Variants in PID1 observed in about 807,000 individuals in gnomAD.
PID1 encodes PTB-containing, cubilin and LRP1-interacting protein.
A neutral mutation model predicts 19.1 loss-of-function variants in PID1; 10 were observed. The ratio of observed to expected loss-of-function variants is 0.52; its 90% CI spans 0.32 to 0.89. The LOEUF (loss-of-function observed/expected upper bound fraction) is 0.89. Ranked by LOEUF, PID1 falls within the 40% of genes least tolerant of loss-of-function variation. The pLI is 0.03. For synonymous variants in PID1, 130 were observed against 116.0 expected, an observed-to-expected ratio of 1.12 and a Z score of -0.78; for missense variants, 248 against 285.3, an observed-to-expected ratio of 0.87 and a Z score of 0.94.
At chr2:229,245,882 T>A (rs1201642860) in intron 1 of PID1, among the ~76,000 whole-genome samples, 1 of 152,144 alleles carries the variant, frequency 6.6e-6, no homozygotes, top group Non-Finnish European at 1.5e-5. Context: ...CACGTTCACT[T>A]AGGCCAAGGG....
intron 1 of PID1, among the ~76,000 whole-genome samples, chr2:229,212,101 G>T (rs1226437359): frequency 2.9e-4 from 1 of 3,402 alleles, no homozygotes; most frequent in Non-Finnish European, 0.011. Context: ...GTAAAGTTAG[G>T]TCTTTATTAT....
intron 2 of PID1, among the ~76,000 whole-genome samples, chr2:229,069,598 C>G (rs1397604817): frequency 6.6e-6 from 1 of 152,114 alleles, no homozygotes; most frequent in Admixed American, 6.6e-5. Flanking sequence ...AATAACTTAG[C>G]CAACATATAT....
At chr2:229,262,553 T>C (rs1690486987) in intron 1 of PID1, 35 of 1,364,364 alleles carry the variant, frequency 2.6e-5, no homozygotes, top group Non-Finnish European at 3.4e-5. Context: ...GATACCTACA[T>C]CACAGAAGTA....
intron 2 of PID1, among the ~76,000 whole-genome samples, chr2:229,030,312 A>C (rs1206901542): frequency 6.6e-6 from 1 of 152,214 alleles, no homozygotes; most frequent in Admixed American, 6.5e-5. Context: ...GCTTTGCAAG[A>C]TGAAGACAGT....
At chr2:229,198,310 T>C (rs1030199696) in intron 1 of PID1, among the ~76,000 whole-genome samples, 4 of 152,060 alleles carry the variant, frequency 2.6e-5, no homozygotes, top group African/African-American at 9.7e-5. Context: ...TTATCTGTTC[T>C]CAACATCTAC....
chr2:229,226,713 A>G (rs1403264510), intron 1 of PID1, among the ~76,000 whole-genome samples: 4 of 152,210 alleles, frequency 2.6e-5, no homozygotes, highest in Admixed American at 1.3e-4. Context: ...ATCTCCTCTG[A>G]TATTTCTTTC....
chr2:229,105,895 C>T (rs543336223), intron 2 of PID1, among the ~76,000 whole-genome samples: 24 of 151,764 alleles, frequency 1.6e-4, no homozygotes, highest in Non-Finnish European at 3.1e-4. Flanking sequence ...CTGGCTAACA[C>T]GGTGAAACCC....
intron 2 of PID1, among the ~76,000 whole-genome samples, chr2:229,153,315 T>C (rs1366656509): frequency 1.3e-5 from 2 of 152,212 alleles, no homozygotes; most frequent in African/African-American, 4.8e-5. Context: ...GATAGAATAA[T>C]AACGCTGGAA....
At chr2:229,204,663 C>G (rs1691568667) in intron 1 of PID1, among the ~76,000 whole-genome samples, 1 of 152,058 alleles carries the variant, frequency 6.6e-6, no homozygotes, top group Non-Finnish European at 1.5e-5. Context: ...CTGCTGTATA[C>G]TGTACAACGG....
chr2:229,234,343 T>G (rs1277077805), intron 1 of PID1, among the ~76,000 whole-genome samples: 2 of 143,326 alleles, frequency 1.4e-5, no homozygotes, highest in Non-Finnish European at 3.1e-5. Context: ...CAAGGGTCTT[T>G]TAAATGTAGA....
intron 1 of PID1, among the ~76,000 whole-genome samples, chr2:229,235,851 T>C (rs1455481553): frequency 6.6e-6 from 1 of 152,138 alleles, no homozygotes; most frequent in Non-Finnish European, 1.5e-5. Flanking sequence ...ACATGATGGC[T>C]TCCAGGCATC....
intron 2 of PID1, among the ~76,000 whole-genome samples, chr2:229,114,413 A>G (rs1574640091): frequency 1.3e-5 from 2 of 151,586 alleles, no homozygotes; most frequent in East Asian, 3.9e-4. Context: ...CTCTAACCCT[A>G]CTCCCCATCC....
chr2:229,232,007 G>T (rs1692219986), intron 1 of PID1: 9 of 1,550,410 alleles, frequency 5.8e-6, no homozygotes, highest in Non-Finnish European at 7.8e-6. Context: ...TGGAAGGAAG[G>T]AATGCTGTGT....
At chr2:229,136,537 C>T (rs1294063071) in intron 2 of PID1, among the ~76,000 whole-genome samples, 1 of 152,144 alleles carries the variant, frequency 6.6e-6, no homozygotes, top group South Asian at 2.1e-4. Flanking sequence ...TAATTTTCCC[C>T]CTCTCAAACT....
At chr2:229,228,087 G>A (rs1217067394) in intron 1 of PID1, 1 of 455,582 alleles carries the variant, frequency 2.2e-6, no homozygotes, top group Non-Finnish European at 4.4e-6. Context: ...GCAAATGCGT[G>A]AGAATAAAGG....
chr2:229,104,441 T>A (rs1695134557), intron 2 of PID1, among the ~76,000 whole-genome samples: 2 of 152,220 alleles, frequency 1.3e-5, no homozygotes, highest in African/African-American at 4.8e-5. Context: ...CAACTATATG[T>A]TTTATCTAAT....
intron 2 of PID1, among the ~76,000 whole-genome samples, chr2:229,135,977 C>T (rs1174602487): frequency 6.6e-6 from 1 of 152,186 alleles, no homozygotes; most frequent in African/African-American, 2.4e-5. Context: ...CGCCTTTTTA[C>T]TCTTGCCTTG....
At chr2:229,080,146 G>C (rs1224914597) in intron 2 of PID1, among the ~76,000 whole-genome samples, 1 of 152,166 alleles carries the variant, frequency 6.6e-6, no homozygotes, top group African/African-American at 2.4e-5. Flanking sequence ...GGTAAAACTT[G>C]TCTTCCATGG....
At position 229,025,398 on chromosome 2, in the gene PID1, C is replaced by G. The variant is rs969322654; in HGVS notation, c.*234G>C. On this transcript the variant is annotated 3_prime_UTR_variant, in exon 3 of 3. Transcript: ENST00000392055. The stretch of plus-strand genomic sequence containing the variant: ...AAAAATAAGAGAGCCTAGAACCTTC[C>G]TCCCCATCCACACTCCCACCCTCCT... 3.7e-5 allele frequency: 20 copies of G among 539,914 alleles called. No homozygotes were observed. In the East Asian group the frequency reaches 6.4e-4, roughly 17 times the overall value. 33.4% of individuals were successfully genotyped at this position (539,914 alleles called of 1,614,324 possible). A position where few individuals can be genotyped will look rare whatever the true frequency, so the allele number is the denominator to read the frequency against.
Sources: allele counts gnomAD v4.1 joint callset (sites outside exome capture counted in the v4.1 genomes callset), GRCh38; gene constraint gnomAD v4.1.1; transcripts MANE v1.5; gene names NCBI Gene and HGNC (gene_info 2026-07-23, HGNC 2026-07-21).